Variants in RGS11 observed in about 807,000 individuals in gnomAD.
RGS11 encodes the protein regulator of G protein signaling 11, also known as regulator of G-protein signaling 11.
A neutral mutation model predicts 71.1 loss-of-function variants in RGS11; 86 were observed. The ratio of observed to expected loss-of-function variants is 1.21; its 90% confidence interval spans 1.02 to 1.45. The LOEUF (loss-of-function observed/expected upper bound fraction) is 1.45. RGS11 is among the 40% of genes most tolerant of loss of function. The pLI is 0.00. For synonymous variants in RGS11, 298 were observed against 254.2 expected, an observed-to-expected ratio of 1.17 and a Z score of -1.64; for missense variants, 734 against 635.1, an observed-to-expected ratio of 1.16 and a Z score of -1.67.
chr16:269,363 C>A lies in RGS11; in HGVS notation c.1310G>T (p.Arg437Met). The change falls in exon 17 of 17, where the codon AGG becomes ATG. Residue 437 changes from arginine (R) to methionine (M), a missense_variant. Physicochemically the swap from Arg to Met is moderately conservative, Grantham distance 91 (BLOSUM62 -1). Coordinates refer to ENST00000397770, the MANE Select transcript of RGS11 (RefSeq NM_183337.3). ...MKRRVFPFTW[R>M]PRHSSPSPAL... ...AGGGCTGGGGCTCGAGTGCCGTGGCCTCCACGTAAACGGGAACACGCTGTG... is the reference window on the plus strand; with the variant it reads ...AGGGCTGGGGCTCGAGTGCCGTGGCATCCACGTAAACGGGAACACGCTGTG... The A allele has an allele frequency of 6.2e-7, 1 of 1,603,586 alleles. No homozygotes were observed. The highest frequency in any genetic ancestry group is 8.5e-7 in the Non-Finnish European group (1 of 1,175,708).
In RGS11 at chr16:272,245, G is replaced by A. The variant is rs1270845646; in HGVS notation, c.657+618C>T. ...GAACCAGGTGTGACCTTCATTGGTCGGCACCTCGCTGGGGCCAGAGCGGAG... is the reference window on the plus strand; with the variant it reads ...GAACCAGGTGTGACCTTCATTGGTCAGCACCTCGCTGGGGCCAGAGCGGAG... On this transcript the variant is annotated intron_variant, in intron 9 of 16. Transcript: ENST00000397770. 5.8e-6 allele frequency: 7 copies of A among 1,204,406 alleles called. No homozygotes were observed. In the South Asian group the frequency reaches 7.6e-5, roughly 13 times the overall value. 74.6% of individuals were successfully genotyped at this position (1,204,406 alleles called of 1,614,324 possible).
chr16:270,611 G>T lies in RGS11; in HGVS notation c.1118C>A (p.Thr373Asn), dbSNP rs535426308. 2 of 1,608,224 alleles carry T rather than the reference G, an allele frequency of 1.2e-6. No individual in the cohort carries two copies. The highest frequency in any genetic ancestry group is 8.5e-7 in the Non-Finnish European group (1 of 1,177,992). The stretch of plus-strand genomic sequence containing the variant: ...CAGCCCCTCCAGGGTCTGCTCCATG[G>T]TCCGGCTGTCGATGTTGACCCAGTG... ...AAHWVNIDSRTMEQTLEGLRQ... is the reference protein window; with the variant it reads ...AAHWVNIDSRNMEQTLEGLRQ... Residue 373 changes from threonine to asparagine, a missense_variant, in exon 15 of 17, where the codon ACC (threonine) becomes AAC (asparagine). Thr to Asn is a moderately conservative substitution (Grantham distance 65). Coordinates refer to ENST00000397770, the MANE Select transcript of RGS11 (RefSeq NM_183337.3).
At chr16:275,802 G>T (rs2141432667) in intron 1 of RGS11, 47 bp downstream of exon 1, 3 of 796,304 alleles carry the variant, frequency 3.8e-6, no homozygotes, top group Non-Finnish European at 4.9e-6. Context: ...TCCCGGCCTC[G>T]GGCGCCGGGA....
Position 275,500 on chromosome 16 carries a change from T to A in RGS11, c.64-2A>T. 6.4e-7 allele frequency: 1 copy of A among 1,563,174 alleles called. No homozygotes were observed. ...CATGCTCACGACCACCCGCTCCATC[T>A]GGGCGGAGGGAGTCGTCAGGGGGTG... On this transcript the variant is annotated splice_acceptor_variant, in intron 1 of 16. Transcript: ENST00000397770. LOFTEE classifies it high-confidence loss of function.
chr16:273,648 C>T (rs1279263557), intron 7 of RGS11, 92 bp from the exon 8 acceptor site: 1 of 1,489,282 alleles, frequency 6.7e-7, no homozygotes, highest in African/African-American at 1.4e-5. Context: ...GGCAGCCACA[C>T]CCAGGGGTGC....
rs1469157575 is a variant in RGS11 at position 275,880 on chromosome 16, C to A, written c.32G>T (p.Arg11Leu). The A allele has an allele frequency of 1.0e-6, 1 of 956,634 alleles. No homozygotes were observed. 59.3% of individuals were successfully genotyped at this position (956,634 alleles called of 1,614,324 possible). The change falls in exon 1 of 17, where the codon CGC (arginine) becomes CTC (leucine). Residue 11 changes from arginine (R) to leucine (L), a missense_variant. By Grantham distance (102) the Arg-to-Leu change is moderately radical. Coordinates refer to ENST00000397770, the MANE Select transcript of RGS11 (RefSeq NM_183337.3). Reference sequence around the variant, plus strand: ...CAGATGCGGCATCTGCGCCCGGGGGCGGCCGGGGGGCGGCGCGGGGCCGGC... The same window carrying A: ...CAGATGCGGCATCTGCGCCCGGGGGAGGCCGGGGGGCGGCGCGGGGCCGGC... MAAGPAPPPG[R>L]PRAQMPHLRK... is the part of the protein sequence containing the mutation.
At chr16:271,500 A>G in intron 10 of RGS11, 40 bp from the exon 11 acceptor site, 1 of 1,613,876 alleles carries the variant, frequency 6.2e-7, no homozygotes, top group Non-Finnish European at 8.5e-7. Context: ...CGGGCTGGGG[A>G]AGGCACCTGG....
At chr16:274,458 C>G in intron 4 of RGS11, 193 bp from the exon 5 acceptor site, 1 of 625,124 alleles carries the variant, frequency 1.6e-6, no homozygotes, top group Non-Finnish European at 2.8e-6. Flanking sequence ...GGTCAACTCG[C>G]TCCTTAGGGC....
intron 9 of RGS11, chr16:272,306 C>G: frequency 7.8e-7 from 1 of 1,280,908 alleles, no homozygotes. Flanking sequence ...CCTGTGTCCC[C>G]GCTCTCTCTG....
chr16:271,721 C>A (rs533495196), intron 9 of RGS11, 152 bp from the exon 10 acceptor site: 1 of 698,010 alleles, frequency 1.4e-6, no homozygotes, highest in Non-Finnish European at 2.4e-6. Context: ...CTTGGAGCCC[C>A]TTCTTCCAAT....
chr16:272,806 C>T, intron 9 of RGS11, 57 bp downstream of exon 9: 7 of 1,536,708 alleles, frequency 4.6e-6, no homozygotes, highest in South Asian at 1.2e-5. Flanking sequence ...GTGCGTCCAG[C>T]AGGGTGCAGC....
rs571846732 is a variant in RGS11 at position 275,522 on chromosome 16, G to A, written c.64-24C>T. 2.9e-5 allele frequency: 44 copies of A among 1,521,656 alleles called. No homozygotes were observed. In the East Asian group the frequency reaches 8.2e-4, roughly 29 times the overall value. The allele number at this position is 1,521,656 out of a possible 1,614,324, so 94.3% of individuals were successfully genotyped here. A position where few individuals can be genotyped will look rare whatever the true frequency, so the allele number is the denominator to read the frequency against. On this transcript the variant is annotated intron_variant, in intron 1 of 16. Transcript: ENST00000397770. ...ATCTGGGCGGAGGGAGTCGTCAGGG[G>A]GTGTCTGGCCGCCCCGCAACCCTGA...
Position 272,846 on chromosome 16 carries a change from C to T in RGS11, c.657+17G>A, listed in dbSNP as rs201660310. On this transcript the variant is annotated intron_variant, in intron 9 of 16. Coordinates refer to ENST00000397770, the MANE Select transcript of RGS11 (RefSeq NM_183337.3). ...GTGCAGGGTGAGAGGGCGGCCAGCA[C>T]GCACGCAGGGGCTCACCATGAGCAC... 129 of 1,541,562 alleles carry T rather than the reference C, an allele frequency of 8.4e-5. 1 individual carries two copies. The African/African-American group carries it at 1.3e-3, about 15-fold the overall frequency.
chr16:268,628 G>A lies in RGS11; in HGVS notation c.*641C>T, dbSNP rs1302526011. The A allele has an allele frequency of 8.3e-6, 6 of 721,108 alleles. No individual in the cohort carries two copies. The highest frequency in any genetic ancestry group is 7.2e-5 in the Admixed American group (3 of 41,590). The allele number at this position is 721,108 out of a possible 1,614,324, so 44.7% of individuals were successfully genotyped here. On this transcript the variant is annotated 3_prime_UTR_variant, in exon 17 of 17. Transcript: ENST00000397770. ...AGAGTTGTCTATAAATCGGGGGGGA[G>A]GCCGCGGCCTCGAGGTGGGAAAGCA...
intron 4 of RGS11, 166 bp downstream of exon 4, chr16:274,810 C>G: frequency 2.1e-6 from 2 of 948,054 alleles, no homozygotes; most frequent in Non-Finnish European, 3.3e-6. Context: ...TACTTGCGGT[C>G]CAGGACTTTT....
intron 3 of RGS11, 98 bp downstream of exon 3, chr16:275,185 G>A (rs2052114625): frequency 6.3e-6 from 10 of 1,594,284 alleles, no homozygotes; most frequent in African/African-American, 4.0e-5. Context: ...TGCACAGCGC[G>A]CTCAGCAGGG....
rs375075217 is a variant in RGS11, at chr16:272,443, G to A, written c.657+420C>T. 2.3e-5 allele frequency: 30 copies of A among 1,311,898 alleles called. No individual in the cohort carries two copies. In the East Asian group the frequency reaches 8.6e-4, roughly 38 times the overall value. 81.3% of individuals were successfully genotyped at this position (1,311,898 alleles called of 1,614,324 possible). ...TTTGAACAAAGGGTTTTGCTGCTGC[G>A]GGGCTCAGATGCTCCCTCTGGTCTG... is the stretch of plus-strand genomic sequence containing the variant. On this transcript the variant is annotated intron_variant, in intron 9 of 16. Transcript: ENST00000397770.
At position 275,872 on chromosome 16, in the gene RGS11, C is replaced by T; in HGVS notation, c.40G>A (p.Ala14Thr). 2.0e-6 allele frequency: 2 copies of T among 1,022,706 alleles called. No homozygotes were observed. The highest frequency in any genetic ancestry group is 2.4e-6 in the Non-Finnish European group (2 of 839,318). 63.4% of individuals were successfully genotyped at this position (1,022,706 alleles called of 1,614,324 possible). Residue 14 changes from alanine (A) to threonine (T), a missense_variant, in exon 1 of 17, where the codon GCG becomes ACG. By Grantham distance (58) the Ala-to-Thr change is moderately conservative. Transcript: ENST00000397770. ...ACCTTCCTCAGATGCGGCATCTGCG[C>T]CCGGGGGCGGCCGGGGGGCGGCGCG... ...GPAPPPGRPR[A>T]QMPHLRKMER...
rs780332060 is a variant in RGS11 at position 269,600 on chromosome 16, G to A, written c.1207-15C>T. The A allele has an allele frequency of 5.4e-5, 87 of 1,602,154 alleles. No individual in the cohort carries two copies. In the Middle Eastern group the frequency reaches 6.6e-4, roughly 12 times the overall value. On this transcript the variant is annotated splice_polypyrimidine_tract_variant and intron_variant, in intron 15 of 16. Coordinates refer to ENST00000397770, the MANE Select transcript of RGS11 (RefSeq NM_183337.3). ...GGGTAGGAGTCCTACAAGAGACAGCGTCCAGCCCCTGACCCTTCTGCCTCC... is the reference window on the plus strand; with the variant it reads ...GGGTAGGAGTCCTACAAGAGACAGCATCCAGCCCCTGACCCTTCTGCCTCC...
Sources: allele counts gnomAD v4.1 joint callset, GRCh38; gene constraint gnomAD v4.1.1; transcripts MANE v1.5; gene names NCBI Gene and HGNC (gene_info 2026-07-23, HGNC 2026-07-21).